MEGF11: variants seen among roughly 807,000 people sequenced by gnomAD.
MEGF11 encodes multiple epidermal growth factor-like domains protein 11.
A neutral mutation model predicts 146.6 loss-of-function variants in MEGF11; 126 were observed. The ratio of observed to expected loss-of-function variants is 0.86; its 90% CI spans 0.74 to 1.00. The LOEUF (loss-of-function observed/expected upper bound fraction) is 1.00, where lower values mean the gene tolerates loss of function less well. Among genes scored for constraint, MEGF11 ranks in the 50% least tolerant of loss-of-function variants. The pLI is 0.00. For missense variants in MEGF11, 1,509 were observed against 1,521.2 expected (o/e 0.99, Z 0.13); for synonymous variants, 532 against 583.4 (o/e 0.91, Z 1.27).
intron 9 of MEGF11, 37 bp from the exon 10 acceptor site, chr15:65,957,758 T>C (rs1314772309): frequency 2.8e-5 from 45 of 1,607,086 alleles, no homozygotes; most frequent in Non-Finnish European, 3.6e-5. Context: ...GACAGCTTGT[T>C]CTGGGAAGCA....
chr15:65,996,127 AC>A (rs2082189602), intron 5 of MEGF11, among the ~76,000 whole-genome samples: 1 of 152,152 alleles, frequency 6.6e-6, no homozygotes, highest in East Asian at 1.9e-4. Flanking sequence ...CTCAGGGAAG[AC>A]ACATCCCCTC....
chr15:66,155,949 T>A (rs1019209887), intron 1 of MEGF11, among the ~76,000 whole-genome samples: 1 of 152,150 alleles, frequency 6.6e-6, no homozygotes, highest in African/African-American at 2.4e-5. Context: ...GGTCCTCAAG[T>A]GGCACAGACC....
At chr15:65,913,218 A>G (rs993686213) in intron 20 of MEGF11, among the ~76,000 whole-genome samples, 3 of 152,100 alleles carry the variant, frequency 2.0e-5, no homozygotes, top group Non-Finnish European at 4.4e-5. Context: ...TGCCAGAGGG[A>G]CATTGTCCAA....
chr15:66,220,355 A>G (rs915238300), intron 1 of MEGF11, among the ~76,000 whole-genome samples: 2 of 151,926 alleles, frequency 1.3e-5, no homozygotes, highest in Admixed American at 6.6e-5. Flanking sequence ...TAATCTAGGG[A>G]ATTACACTGA....
At chr15:66,157,545 CA>C (rs1301314161) in intron 1 of MEGF11, among the ~76,000 whole-genome samples, 4 of 152,190 alleles carry the variant, frequency 2.6e-5, no homozygotes, top group African/African-American at 9.7e-5. Flanking sequence ...TCTTTAGCCC[CA>C]CAGCAGCCCT....
intron 10 of MEGF11, among the ~76,000 whole-genome samples, chr15:65,942,353 A>C (rs2141379800): frequency 6.6e-6 from 1 of 152,324 alleles, no homozygotes; most frequent in South Asian, 2.1e-4. Flanking sequence ...ATGGGGGCTT[A>C]TGGAGGGAAC....
At chr15:65,912,226 A>G (rs914793507) in intron 20 of MEGF11, 26 bp from the exon 21 acceptor site, 16 of 1,203,842 alleles carry the variant, frequency 1.3e-5, no homozygotes, top group Non-Finnish European at 1.7e-5. Context: ...GGTGCCACAT[A>G]CCATCATACC....
chr15:66,205,835 G>A (rs1454866655), intron 1 of MEGF11, among the ~76,000 whole-genome samples: 1 of 152,212 alleles, frequency 6.6e-6, no homozygotes, highest in East Asian at 1.9e-4. Context: ...AATTGACACA[G>A]AGGTTTAATT....
intron 4 of MEGF11, among the ~76,000 whole-genome samples, chr15:66,109,337 T>C (rs1332191256): frequency 6.6e-6 from 1 of 152,148 alleles, no homozygotes; most frequent in Admixed American, 6.5e-5. Flanking sequence ...CATGAGATTG[T>C]CCGGGCAGTG....
chr15:66,024,790 T>C (rs1357537161), intron 5 of MEGF11, among the ~76,000 whole-genome samples: 3 of 151,962 alleles, frequency 2.0e-5, no homozygotes, highest in African/African-American at 7.3e-5. Context: ...TTTTCAGGGA[T>C]GGGGCCGGGA....
intron 4 of MEGF11, among the ~76,000 whole-genome samples, chr15:66,114,299 CAG>C (rs748654585): frequency 1.3e-5 from 2 of 152,168 alleles, no homozygotes; most frequent in Non-Finnish European, 1.5e-5. Flanking sequence ...AGCAACATTC[CAG>C]AGAGTTGCTG....
chr15:66,173,129 G>A (rs2090306333), intron 1 of MEGF11, among the ~76,000 whole-genome samples: 1 of 152,050 alleles, frequency 6.6e-6, no homozygotes, highest in African/African-American at 2.4e-5. Context: ...CTGTAGCCTG[G>A]AGCACCCTTT....
intron 1 of MEGF11, among the ~76,000 whole-genome samples, chr15:66,178,594 C>T (rs890754737): frequency 3.9e-5 from 6 of 152,184 alleles, no homozygotes; most frequent in African/African-American, 1.2e-4. Flanking sequence ...CTAGGTAAGA[C>T]AAGCAGGTGC....
chr15:66,008,407 GCGCGCA>G (rs1376637276), intron 5 of MEGF11, among the ~76,000 whole-genome samples: 1,953 of 82,318 alleles, frequency 0.024, 37 homozygotes, highest in African/African-American at 0.065. Flanking sequence ...GCACACGCGC[GCGCGCA>G]CACACACACA....
intron 5 of MEGF11, among the ~76,000 whole-genome samples, chr15:66,074,849 G>A (rs534558454): frequency 2.6e-5 from 4 of 152,144 alleles, no homozygotes; most frequent in Non-Finnish European, 5.9e-5. Flanking sequence ...TCCTCAATCT[G>A]TTGGGGGTCA....
At chr15:65,919,188 C>T (rs751246187) in intron 15 of MEGF11, among the ~76,000 whole-genome samples, 3 of 152,174 alleles carry the variant, frequency 2.0e-5, no homozygotes, top group African/African-American at 4.8e-5. Context: ...CTCTCCTGGA[C>T]GTGATTGGTA....
chr15:66,099,956 A>G (rs1248484898), intron 4 of MEGF11, among the ~76,000 whole-genome samples: 2 of 152,160 alleles, frequency 1.3e-5, no homozygotes, highest in Admixed American at 6.5e-5. Flanking sequence ...ATCATCTACC[A>G]GGGCAGCACT....
chr15:66,107,057 C>CCCG (rs2087120805), intron 4 of MEGF11, among the ~76,000 whole-genome samples: 1 of 140,406 alleles, frequency 7.1e-6, no homozygotes, highest in Admixed American at 7.4e-5. Context: ...TATTCCTACC[C>CCCG]CCCCACCAGG....
chr15:65,948,225 G>A (rs796132131), intron 10 of MEGF11, among the ~76,000 whole-genome samples: 14 of 152,254 alleles, frequency 9.2e-5, no homozygotes, highest in African/African-American at 2.4e-4. Flanking sequence ...AGAACAGTAG[G>A]CTGGGAGTCA....
Sources: allele counts gnomAD v4.1 joint callset (sites outside exome capture counted in the v4.1 genomes callset), GRCh38; gene constraint gnomAD v4.1.1; transcripts MANE v1.5; gene names NCBI Gene and HGNC (gene_info 2026-07-23, HGNC 2026-07-21).